Variants in LSAMP observed in about 807,000 individuals in gnomAD.
The protein encoded by LSAMP is limbic system associated membrane protein.
In LSAMP, 7 loss-of-function variants were observed where a neutral mutation model predicts 38.6. The ratio of observed to expected loss-of-function variants is 0.18; its 90% confidence interval spans 0.10 to 0.34. LSAMP has a LOEUF of 0.34. LSAMP is among the 10% of genes least tolerant of loss of function. The pLI, the probability that LSAMP is intolerant of heterozygous loss-of-function variation, is 1.00. For missense variants in LSAMP, 313 were observed against 420.0 expected (o/e 0.75, Z 2.23); for synonymous variants, 154 against 166.8 (o/e 0.92, Z 0.59).
chr3:116,399,751 A>G (rs963244414), intron 1 of LSAMP, among the ~76,000 whole-genome samples: 1 of 152,228 alleles, frequency 6.6e-6, no homozygotes, highest in Non-Finnish European at 1.5e-5. Flanking sequence ...TATCCCATTG[A>G]GCAAACGCTA....
At chr3:115,816,988 G>A (rs372492829) in intron 6 of LSAMP, among the ~76,000 whole-genome samples, 13 of 152,280 alleles carry the variant, frequency 8.5e-5, no homozygotes, top group South Asian at 6.2e-4. Flanking sequence ...GAATGTGTCC[G>A]ATCCATAACC....
intron 3 of LSAMP, among the ~76,000 whole-genome samples, chr3:115,960,280 A>C (rs1227792477): frequency 6.6e-6 from 1 of 152,230 alleles, no homozygotes; most frequent in Non-Finnish European, 1.5e-5. Context: ...GAAAACACAG[A>C]ACAACCTACA....
chr3:116,057,957 CCACA>C (rs61123270), intron 2 of LSAMP, among the ~76,000 whole-genome samples: 8,839 of 117,532 alleles, frequency 0.075, 815 homozygotes, highest in African/African-American at 0.22. Context: ...ACACACACAC[CCACA>C]CACACACACA....
chr3:115,958,328 T>G (rs1180407359), intron 3 of LSAMP, among the ~76,000 whole-genome samples: 1 of 152,194 alleles, frequency 6.6e-6, no homozygotes, highest in African/African-American at 2.4e-5. Context: ...ATATGCTTAA[T>G]TTTCCAGCTA....
At chr3:116,285,042 A>G (rs1268341326) in intron 1 of LSAMP, among the ~76,000 whole-genome samples, 1 of 152,228 alleles carries the variant, frequency 6.6e-6, no homozygotes, top group Admixed American at 6.5e-5. Context: ...AATAACAGAA[A>G]CAACAAAGAA....
intron 1 of LSAMP, among the ~76,000 whole-genome samples, chr3:116,309,443 G>A (rs2047527597): frequency 6.6e-6 from 1 of 152,034 alleles, no homozygotes; most frequent in African/African-American, 2.4e-5. Flanking sequence ...TGAGATTGAA[G>A]AGCTTAATTT....
At chr3:116,341,275 A>G (rs1379081914) in intron 1 of LSAMP, among the ~76,000 whole-genome samples, 1 of 152,018 alleles carries the variant, frequency 6.6e-6, no homozygotes, top group East Asian at 1.9e-4. Flanking sequence ...ATAGTGTTAA[A>G]AAGTGTTTTT....
At position 116,048,826 on chromosome 3, in the gene LSAMP, C is replaced by T. The variant is rs138837856; in HGVS notation, c.389-29186G>A. On this transcript the variant is annotated intron_variant, in intron 2 of 6. Coordinates refer to ENST00000490035, the MANE Select transcript of LSAMP (RefSeq NM_002338.5). ...GTAGACCAGAATCAAACCAGTGTTCCGGTTTCAATCCATGACTCCTTGCAC... is the reference window on the plus strand; with the variant it reads ...GTAGACCAGAATCAAACCAGTGTTCTGGTTTCAATCCATGACTCCTTGCAC... 3.0e-3 allele frequency among the ~76,000 whole-genome samples: 462 copies of T among 152,200 alleles called. 6 individuals are homozygous for T. Among genetic ancestry groups the T allele is most frequent in the African/African-American group, 0.011 (438 of 41,516 alleles).
At chr3:115,868,058 A>AGTTG (rs1935911827) in intron 3 of LSAMP, among the ~76,000 whole-genome samples, 1 of 152,102 alleles carries the variant, frequency 6.6e-6, no homozygotes, top group African/African-American at 2.4e-5. Context: ...ATATAGTTAC[A>AGTTG]GTTGGTCTAA....
At chr3:116,277,049 T>C (rs1220647863) in intron 1 of LSAMP, among the ~76,000 whole-genome samples, 3 of 152,096 alleles carry the variant, frequency 2.0e-5, no homozygotes, top group African/African-American at 7.2e-5. Flanking sequence ...GAGGCAGTAG[T>C]GGCAGTAGGA....
intron 3 of LSAMP, among the ~76,000 whole-genome samples, chr3:115,916,659 A>T (rs1157458635): frequency 1.3e-5 from 2 of 152,208 alleles, no homozygotes; most frequent in Admixed American, 6.5e-5. Context: ...AGGAACTTGA[A>T]AATATTTCTT....
chr3:116,133,178 G>A (rs1709172590), intron 1 of LSAMP, among the ~76,000 whole-genome samples: 1 of 152,202 alleles, frequency 6.6e-6, no homozygotes, highest in East Asian at 1.9e-4. Context: ...TTCTACCTCA[G>A]GTGCACAACC....
At position 116,191,785 on chromosome 3, in the gene LSAMP, T is replaced by C. The variant is rs543149157; in HGVS notation, c.156-105229A>G. ...ATGGGGCTTCTAAAGCAAGATTTTC[T>C]AAATTATAATAGTTTTTTTTTGATT... On this transcript the variant is annotated intron_variant, in intron 1 of 6. Transcript: ENST00000490035. Among the ~76,000 whole-genome samples the C allele has an allele frequency of 1.5e-4, 6 of 39,480 alleles. No individual in the cohort carries two copies. In the South Asian group the frequency reaches 8.0e-3, roughly 52 times the overall value. The allele number at this position is 39,480 out of a possible 152,430, so 25.9% of individuals were successfully genotyped here. A position where few individuals can be genotyped will look rare whatever the true frequency, so the allele number is the denominator to read the frequency against.
intron 1 of LSAMP, among the ~76,000 whole-genome samples, chr3:116,231,191 T>C (rs1388878221): frequency 6.6e-6 from 1 of 152,220 alleles, no homozygotes; most frequent in African/African-American, 2.4e-5. Flanking sequence ...TGTACTATTA[T>C]TAATTAGATC....
At chr3:116,305,559 C>A (rs1303512601) in intron 1 of LSAMP, among the ~76,000 whole-genome samples, 2 of 151,020 alleles carry the variant, frequency 1.3e-5, no homozygotes, top group African/African-American at 2.4e-5. Context: ...AAAAAAAATA[C>A]AGAAAGTATG....
chr3:115,930,716 G>C (rs115553736), intron 3 of LSAMP, among the ~76,000 whole-genome samples: 1 of 152,250 alleles, frequency 6.6e-6, no homozygotes, highest in African/African-American at 2.4e-5. Context: ...CACTTCGTTA[G>C]TGGTCAAATG....
At chr3:115,944,118 A>T (rs1017406013) in intron 3 of LSAMP, among the ~76,000 whole-genome samples, 1 of 152,026 alleles carries the variant, frequency 6.6e-6, no homozygotes, top group Non-Finnish European at 1.5e-5. Flanking sequence ...CTGACTGTAT[A>T]CTCTTGCCAG....
chr3:116,006,555 C>T (rs1205347141), intron 3 of LSAMP, among the ~76,000 whole-genome samples: 1 of 151,994 alleles, frequency 6.6e-6, no homozygotes, highest in Non-Finnish European at 1.5e-5. Context: ...CCATAGTTAC[C>T]ACAACTAATT....
chr3:116,372,773 A>G (rs1166499429), intron 1 of LSAMP, among the ~76,000 whole-genome samples: 2 of 151,788 alleles, frequency 1.3e-5, no homozygotes, highest in East Asian at 1.9e-4. Flanking sequence ...ACTAATAAGC[A>G]CAGGAAAAGA....
Sources: gnomAD v4.1 joint callset for allele counts (sites outside exome capture counted in the v4.1 genomes callset) on GRCh38, gnomAD v4.1.1 for gene constraint, MANE v1.5 for transcripts, NCBI Gene and HGNC (gene_info 2026-07-23, HGNC 2026-07-21) for gene names.